Variants in CAMK2B observed in about 807,000 individuals in gnomAD.
CAMK2B encodes calcium/calmodulin dependent protein kinase II beta.
A neutral mutation model predicts 93.7 loss-of-function variants in CAMK2B; 27 were observed. The observed-to-expected ratio is 0.29, with a 90% confidence interval of 0.21 to 0.40. The LOEUF is 0.40. CAMK2B is among the 10% of genes least tolerant of loss of function. The pLI, the probability that CAMK2B is intolerant of heterozygous loss-of-function variation, is 1.00. For missense variants in CAMK2B, 568 were observed against 895.8 expected (o/e 0.63, Z 4.67); for synonymous variants, 374 against 358.8 (o/e 1.04, Z -0.48).
chr7:44,285,120 C>T (rs1225957826), intron 1 of CAMK2B, among the ~76,000 whole-genome samples: 2 of 152,196 alleles, frequency 1.3e-5, no homozygotes, highest in Non-Finnish European at 2.9e-5. Flanking sequence ...TCAGTGCCAC[C>T]CAATGGGAGC....
At chr7:44,297,939 C>A (rs1323981495) in intron 1 of CAMK2B, among the ~76,000 whole-genome samples, 1 of 152,194 alleles carries the variant, frequency 6.6e-6, no homozygotes, top group East Asian at 1.9e-4. Flanking sequence ...GCCTGGCCAA[C>A]ATGGCCAAAC....
chr7:44,275,125 CT>C (rs1304392373), intron 2 of CAMK2B, among the ~76,000 whole-genome samples: 1 of 152,198 alleles, frequency 6.6e-6, no homozygotes, highest in African/African-American at 2.4e-5. Context: ...GTGACAACTC[CT>C]CCCCTCCCCT....
rs931493867 is a variant in CAMK2B at position 44,226,591 on chromosome 7, C to G, written c.1522G>C (p.Glu508Gln). ...NSVRRGSGTP[E>Q]AEGPSPVGPP... ...CCCACTGGCGAGGGGCCCTCGGCTTCTGGGGTCCCTGAGCCCCTCCTCACA... is the reference window on the plus strand; with the variant it reads ...CCCACTGGCGAGGGGCCCTCGGCTTGTGGGGTCCCTGAGCCCCTCCTCACA... Residue 508 changes from glutamate to glutamine, a missense_variant, in exon 20 of 24, where the codon GAA becomes CAA. Physicochemically the swap from Glu to Gln is conservative, Grantham distance 29. Around this residue, in one of 4 missense-constraint regions of CAMK2B, gnomAD observed 308 missense variants for 292.1 expected, o/e 1.05. Coordinates refer to ENST00000395749, the MANE Select transcript of CAMK2B (RefSeq NM_001220.5). 9.3e-6 allele frequency: 14 copies of G among 1,510,436 alleles called. No individual in the cohort carries two copies. The highest frequency in any genetic ancestry group is 1.2e-5 in the Non-Finnish European group (14 of 1,138,382). The allele number at this position is 1,510,436 out of a possible 1,614,324, so 93.6% of individuals were successfully genotyped here. A position where few individuals can be genotyped will look rare whatever the true frequency, so the allele number is the denominator to read the frequency against.
chr7:44,264,659 C>T (rs1045739660), intron 2 of CAMK2B, among the ~76,000 whole-genome samples: 7 of 152,312 alleles, frequency 4.6e-5, no homozygotes, highest in African/African-American at 1.7e-4. Flanking sequence ...CACCTGCACA[C>T]CCAACTCAGC....
At chr7:44,228,998 G>C in intron 18 of CAMK2B, 74 bp from the exon 19 acceptor site, 1 of 1,422,880 alleles carries the variant, frequency 7.0e-7, no homozygotes, top group South Asian at 1.2e-5. Context: ...GAGGAGGCCA[G>C]TGGGAGGGGT....
chr7:44,310,058 G>A (rs1201946751), intron 1 of CAMK2B, among the ~76,000 whole-genome samples: 3 of 152,262 alleles, frequency 2.0e-5, no homozygotes, highest in African/African-American at 7.2e-5. Flanking sequence ...GGAACCGCAC[G>A]GTGGCCGAGA....
intron 1 of CAMK2B, among the ~76,000 whole-genome samples, chr7:44,292,981 TG>T (rs1438805056): frequency 2.0e-5 from 3 of 152,222 alleles, no homozygotes; most frequent in Non-Finnish European, 4.4e-5. Context: ...GGGGTCTTTG[TG>T]GGTGCATCTC....
intron 5 of CAMK2B, among the ~76,000 whole-genome samples, chr7:44,253,643 G>C (rs2096801969): frequency 6.6e-6 from 1 of 152,164 alleles, no homozygotes; most frequent in South Asian, 2.1e-4. Flanking sequence ...TGTCACCCAG[G>C]CTGGAGTGCA....
chr7:44,220,399 T>G (rs1360966477), intron 22 of CAMK2B, 105 bp from the exon 23 acceptor site: 3 of 963,254 alleles, frequency 3.1e-6, no homozygotes, highest in Admixed American at 2.2e-5. Flanking sequence ...CTCCCCTTAT[T>G]GGGGAGGCTC....
intron 10 of CAMK2B, 137 bp from the exon 11 acceptor site, chr7:44,241,920 C>A: frequency 1.4e-6 from 1 of 715,280 alleles, no homozygotes; most frequent in Admixed American, 2.5e-5. Context: ...GTTGTCTGTC[C>A]CCACCCGCCT....
chr7:44,228,703 G>T, intron 19 of CAMK2B, 93 bp downstream of exon 19: 1 of 1,217,904 alleles, frequency 8.2e-7, no homozygotes. Context: ...AGGGTAGCTG[G>T]GCCGTGCATG....
intron 1 of CAMK2B, among the ~76,000 whole-genome samples, chr7:44,305,356 T>A (rs1791171340): frequency 6.6e-6 from 1 of 152,146 alleles, no homozygotes. Flanking sequence ...CAGTGGCTCA[T>A]GCCTATAATC....
chr7:44,285,589 G>T (rs1414856749), intron 1 of CAMK2B, among the ~76,000 whole-genome samples: 1 of 152,144 alleles, frequency 6.6e-6, no homozygotes, highest in East Asian at 1.9e-4. Flanking sequence ...ACAGTCCTTT[G>T]TGGAGATAAA....
chr7:44,283,879 TCC>T (rs1784377195), intron 2 of CAMK2B, among the ~76,000 whole-genome samples: 1 of 151,730 alleles, frequency 6.6e-6, no homozygotes, highest in African/African-American at 2.4e-5. Context: ...GGTCTGAGGG[TCC>T]CTTGGCACCC....
At chr7:44,296,626 T>A (rs1449153761) in intron 1 of CAMK2B, among the ~76,000 whole-genome samples, 1 of 152,066 alleles carries the variant, frequency 6.6e-6, no homozygotes, top group Non-Finnish European at 1.5e-5. Context: ...AAAGTGTATA[T>A]CGGGTCGTAT....
chr7:44,310,228 AAAG>A (rs1198031943), intron 1 of CAMK2B, among the ~76,000 whole-genome samples: 1 of 152,274 alleles, frequency 6.6e-6, no homozygotes, highest in Non-Finnish European at 1.5e-5. Context: ...AAGGAATGCA[AAAG>A]GATTTTGGAA....
At chr7:44,227,662 A>G (rs187309781) in intron 19 of CAMK2B, among the ~76,000 whole-genome samples, 1 of 1,266 alleles carries the variant, frequency 7.9e-4, no homozygotes, top group East Asian at 0.038. Flanking sequence ...GGGAGAGTGT[A>G]GGGAACAGAG....
chr7:44,269,123 C>A (rs914464989), intron 2 of CAMK2B, among the ~76,000 whole-genome samples: 5 of 152,188 alleles, frequency 3.3e-5, no homozygotes, highest in Admixed American at 2.6e-4. Flanking sequence ...TCACACCAAC[C>A]CTGCTGCATC....
At chr7:44,252,299 G>A (rs1201685712) in intron 5 of CAMK2B, among the ~76,000 whole-genome samples, 1 of 151,896 alleles carries the variant, frequency 6.6e-6, no homozygotes, top group African/African-American at 2.4e-5. Context: ...CCCCAGAGTG[G>A]GGGATAACAG....
Sources: allele counts gnomAD v4.1 joint callset (sites outside exome capture counted in the v4.1 genomes callset), GRCh38; gene constraint gnomAD v4.1.1; regional missense constraint gnomAD v4.1.1; transcripts MANE v1.5; gene names NCBI Gene and HGNC (gene_info 2026-07-23, HGNC 2026-07-21).